Variants in WDR45B observed in about 807,000 individuals in gnomAD.
The protein encoded by WDR45B is WD repeat domain 45B, also known as WD repeat domain phosphoinositide-interacting protein 3.
Under a neutral mutation model 44.6 loss-of-function variants are expected in WDR45B, and 20 were observed. The observed-to-expected ratio is 0.45, with a 90% CI of 0.32 to 0.65. The LOEUF (loss-of-function observed/expected upper bound fraction) is 0.65, where lower values mean the gene tolerates loss of function less well. Ranked by LOEUF, WDR45B falls within the 30% of genes least tolerant of loss-of-function variation. The pLI is 0.05. For synonymous variants in WDR45B, 169 were observed against 164.9 expected, an observed-to-expected ratio of 1.02 and a Z score of -0.19; for missense variants, 323 against 430.2, an observed-to-expected ratio of 0.75 and a Z score of 2.20.
At chr17:82,637,595 C>T (rs1490362437) in intron 2 of WDR45B, among the ~76,000 whole-genome samples, 3 of 152,022 alleles carry the variant, frequency 2.0e-5, no homozygotes, top group African/African-American at 4.8e-5. Flanking sequence ...GACTGACCAG[C>T]TTCAAGTTGG....
chr17:82,626,876 T>C, intron 4 of WDR45B: 1 of 374,686 alleles, frequency 2.7e-6, no homozygotes, highest in East Asian at 5.8e-5. Flanking sequence ...CCAGGGTAAT[T>C]CAAGGCTCAA....
chr17:82,617,550 A>T (rs1287079002), intron 7 of WDR45B, 153 bp from the exon 8 acceptor site: 3 of 743,626 alleles, frequency 4.0e-6, no homozygotes, highest in Non-Finnish European at 7.0e-6. Flanking sequence ...ACAAGCCGAC[A>T]ACCATCCCCA....
At chr17:82,634,150 C>CAAAAAAAAAA (rs36183298) in intron 2 of WDR45B, among the ~76,000 whole-genome samples, 502 of 31,904 alleles carry the variant, frequency 0.016, 37 homozygotes, top group Non-Finnish European at 0.02. Context: ...GACTCCATCT[C>CAAAAAAAAAA]AAAAAAAAAA....
chr17:82,629,636 C>A, intron 3 of WDR45B: 1 of 985,456 alleles, frequency 1.0e-6, no homozygotes, highest in Non-Finnish European at 1.2e-6. Flanking sequence ...TTCCTAATTC[C>A]AAAACAAAAA....
chr17:82,628,208 G>A (rs2045723306), intron 3 of WDR45B, among the ~76,000 whole-genome samples: 1 of 152,106 alleles, frequency 6.6e-6, no homozygotes, highest in Non-Finnish European at 1.5e-5. Context: ...GTCCAGGCTG[G>A]TCTCGAACTT....
At chr17:82,630,891 G>T (rs1264796253) in intron 3 of WDR45B, 30 bp downstream of exon 3, 1 of 1,589,450 alleles carries the variant, frequency 6.3e-7, no homozygotes, top group Non-Finnish European at 8.6e-7. Context: ...GACACGTGAG[G>T]CATGATTCTT....
At chr17:82,647,666 G>A (rs955450562) in intron 1 of WDR45B, among the ~76,000 whole-genome samples, 27 of 145,852 alleles carry the variant, frequency 1.9e-4, no homozygotes, top group African/African-American at 6.6e-4. Context: ...GGTGGGGAGA[G>A]TGACATTTTC....
intron 1 of WDR45B, among the ~76,000 whole-genome samples, chr17:82,645,027 G>A (rs993825755): frequency 1.3e-5 from 2 of 152,134 alleles, no homozygotes; most frequent in Non-Finnish European, 2.9e-5. Context: ...CAGGCATGGT[G>A]GCATGTGCCT....
intron 2 of WDR45B, among the ~76,000 whole-genome samples, chr17:82,634,911 C>T (rs1286711369): frequency 6.6e-6 from 1 of 151,870 alleles, no homozygotes; most frequent in Non-Finnish European, 1.5e-5. Context: ...CTAGAGAACA[C>T]TACACTAAGT....
Position 82,617,292 on chromosome 17 carries a change from C to G in WDR45B, c.806+4G>C. Reference sequence around the variant, plus strand: ...TTTTCCCCAGCAGGCATCCTAACACCTACCTGGACTGTTTATTCCTTTTTG... The same window carrying G: ...TTTTCCCCAGCAGGCATCCTAACACGTACCTGGACTGTTTATTCCTTTTTG... On this transcript the variant is annotated splice_donor_region_variant and intron_variant, in intron 8 of 9. Transcript: ENST00000392325. 1 of 1,612,528 alleles carries G rather than the reference C, an allele frequency of 6.2e-7. No individual in the cohort carries two copies.
At chr17:82,638,684 C>T (rs562148004) in intron 2 of WDR45B, among the ~76,000 whole-genome samples, 17 of 152,102 alleles carry the variant, frequency 1.1e-4, no homozygotes, top group African/African-American at 3.9e-4. Flanking sequence ...TCTGTCATGT[C>T]GTGCAGTCCC....
rs1480198165 is a variant in WDR45B, at chr17:82,615,945, G to C, written c.1009C>G (p.Leu337Val). Residue 337 changes from leucine (L) to valine (V), a missense_variant, in exon 10 of 10, where the codon CTA (leucine) becomes GTA (valine). Leu to Val is a conservative substitution (Grantham distance 32). Coordinates refer to ENST00000392325, the MANE Select transcript of WDR45B (RefSeq NM_019613.4). ...CACAGCTTGTCATCGGTCATCTCTA[G>C]AAACTGCGCGTAGACATCTCGGATG... is the stretch of plus-strand genomic sequence containing the variant. ...ECIRDVYAQF[L>V]EMTDDKL The C allele has an allele frequency of 1.2e-6, 2 of 1,613,576 alleles. No individual in the cohort carries two copies. Among genetic ancestry groups the C allele is most frequent in the East Asian group, 2.2e-5 (1 of 44,844 alleles).
intron 1 of WDR45B, among the ~76,000 whole-genome samples, chr17:82,647,908 G>A (rs548708566): frequency 3.6e-4 from 55 of 151,456 alleles, no homozygotes; most frequent in African/African-American, 9.7e-4. Context: ...AGGGAGCCAG[G>A]GAACCCGAGT....
chr17:82,627,283 A>G lies in WDR45B; in HGVS notation c.253T>C (p.Trp85Arg). 3 of 1,611,418 alleles carry G rather than the reference A, an allele frequency of 1.9e-6. No individual in the cohort carries two copies. The highest frequency in any genetic ancestry group is 2.5e-6 in the Non-Finnish European group (3 of 1,178,598). ...ACAGTCTTCTTCTTCAGGTCATCCC[A>G]GATCATTACTGAAATATCAGAAAGA... ...PKYPPNKVMI[W>R]DDLKKKTVIE... The change falls in exon 4 of 10, where the codon TGG becomes CGG. Residue 85 changes from tryptophan (W) to arginine (R), a missense_variant. Physicochemically the swap from Trp to Arg is moderately radical, Grantham distance 101. Coordinates refer to ENST00000392325, the MANE Select transcript of WDR45B (RefSeq NM_019613.4).
chr17:82,627,330 C>G, intron 3 of WDR45B, 39 bp from the exon 4 acceptor site: 1 of 1,524,216 alleles, frequency 6.6e-7, no homozygotes, highest in Non-Finnish European at 9.0e-7. Flanking sequence ...CAGTCATCAG[C>G]AGGCCATGGC....
rs1268854495 is a variant in WDR45B at position 82,614,679 on chromosome 17, A to C, written c.*1240T>G. 6.5e-6 allele frequency: 1 copy of C among 152,690 alleles called. No homozygotes were observed. The highest frequency in any genetic ancestry group is 1.5e-5 in the Non-Finnish European group (1 of 68,058). 9.5% of individuals were successfully genotyped at this position (152,690 alleles called of 1,614,324 possible). A position where few individuals can be genotyped will look rare whatever the true frequency, so the allele number is the denominator to read the frequency against. On this transcript the variant is annotated 3_prime_UTR_variant, in exon 10 of 10. Transcript: ENST00000392325. ...CATGAAAGGAACATGCATACTTTAC[A>C]GCAACATCCACAGAGAATTAGCTGA...
intron 3 of WDR45B, among the ~76,000 whole-genome samples, chr17:82,627,827 C>T (rs961525205): frequency 3.3e-5 from 5 of 152,266 alleles, no homozygotes; most frequent in Admixed American, 6.5e-5. Flanking sequence ...TGATTCCACC[C>T]GACTGAGCCC....
At chr17:82,645,850 C>T (rs1281246339) in intron 1 of WDR45B, among the ~76,000 whole-genome samples, 2 of 152,156 alleles carry the variant, frequency 1.3e-5, no homozygotes, top group African/African-American at 4.8e-5. Flanking sequence ...TGGCCGGGCA[C>T]GGTGGCTCAC....
chr17:82,630,320 C>T (rs2045751336), intron 3 of WDR45B, among the ~76,000 whole-genome samples: 1 of 151,758 alleles, frequency 6.6e-6, no homozygotes, highest in African/African-American at 2.4e-5. Context: ...CTCCCGCCTC[C>T]CACCTCTTCC....
Sources: gnomAD v4.1 joint callset for allele counts (sites outside exome capture counted in the v4.1 genomes callset) on GRCh38, gnomAD v4.1.1 for gene constraint, MANE v1.5 for transcripts, NCBI Gene and HGNC (gene_info 2026-07-23, HGNC 2026-07-21) for gene names.